GSTZ1: variants seen among roughly 807,000 people sequenced by gnomAD.
GSTZ1 encodes glutathione S-transferase zeta 1.
Under a neutral mutation model 35.9 loss-of-function variants are expected in GSTZ1, and 34 were observed. The observed-to-expected ratio is 0.95, with a 90% confidence interval of 0.72 to 1.26. GSTZ1 has a LOEUF of 1.26. Ranked by LOEUF, GSTZ1 falls within the 50% of genes most tolerant of loss-of-function variation. GSTZ1 has a pLI of 0.00. For synonymous variants in GSTZ1, 93 were observed against 101.2 expected (o/e 0.92, Z 0.49); for missense variants, 263 against 271.7 (o/e 0.97, Z 0.23).
At position 77,331,279 on chromosome 14, in the gene GSTZ1, TGAG is replaced by T; in HGVS notation, c.*88_*90del. 9 of 1,461,966 alleles carry T rather than the reference TGAG, an allele frequency of 6.2e-6. No individual in the cohort carries two copies. Among genetic ancestry groups the T allele is most frequent in the Non-Finnish European group, 8.3e-6 (9 of 1,084,230 alleles). The allele number at this position is 1,461,966 out of a possible 1,614,324, so 90.6% of individuals were successfully genotyped here. On this transcript the variant is annotated 3_prime_UTR_variant, in exon 9 of 9. Transcript: ENST00000216465. ...GAGGCCTGGAAACGAGAGTCTTAATTGAGGAGATGGGAGACTCGAACTCTAGCC... is the reference window on the plus strand; with the variant it reads ...GAGGCCTGGAAACGAGAGTCTTAATTGAGATGGGAGACTCGAACTCTAGCC...
At chr14:77,329,599 C>T in intron 6 of GSTZ1, 156 bp from the exon 7 acceptor site, 1 of 665,276 alleles carries the variant, frequency 1.5e-6, no homozygotes, top group Admixed American at 2.3e-5. Flanking sequence ...TCCCTAACAG[C>T]TCTCTCGAGA....
intron 4 of GSTZ1, 171 bp from the exon 5 acceptor site, chr14:77,327,741 T>G: frequency 1.4e-6 from 1 of 735,162 alleles, no homozygotes. Flanking sequence ...GAGAACCAAG[T>G]TCTGCATGAT....
intron 1 of GSTZ1, chr14:77,322,844 C>A: frequency 3.6e-6 from 1 of 277,300 alleles, no homozygotes; most frequent in Non-Finnish European, 5.5e-6. Flanking sequence ...ACAGGGATGG[C>A]AATAGCAAGT....
intron 6 of GSTZ1, 135 bp downstream of exon 6, chr14:77,329,336 G>C (rs183812061): frequency 1.9e-5 from 13 of 698,670 alleles, no homozygotes; most frequent in African/African-American, 3.5e-5. Context: ...GGGCAGGACT[G>C]GGGAGGCAAT....
Position 77,331,066 on chromosome 14 carries a change from C to T in GSTZ1, c.525-3C>T. 1.2e-6 allele frequency: 2 copies of T among 1,613,474 alleles called. No individual in the cohort carries two copies. Among genetic ancestry groups the T allele is most frequent in the South Asian group, 1.1e-5 (1 of 91,018 alleles). ...TAGCTTAGCAGGTGTTTCTCTACTA[C>T]AGATTCAAGGTGGATCTCACCCCCT... On this transcript the variant is annotated splice_region_variant and splice_polypyrimidine_tract_variant and intron_variant, in intron 8 of 8. Transcript: ENST00000216465.
intron 2 of GSTZ1, chr14:77,326,508 C>T: frequency 3.9e-6 from 1 of 254,282 alleles, no homozygotes; most frequent in Non-Finnish European, 7.8e-6. Context: ...ACAACACAGC[C>T]TTGCTGAACT....
intron 1 of GSTZ1, 24 bp downstream of exon 1, chr14:77,321,207 A>G: frequency 6.7e-7 from 1 of 1,499,038 alleles, no homozygotes. Context: ...ACCCGGGTGG[A>G]GGGAAGCTGG....
chr14:77,324,280 T>A, intron 1 of GSTZ1: 1 of 379,546 alleles, frequency 2.6e-6, no homozygotes, highest in Non-Finnish European at 5.0e-6. Flanking sequence ...GTAGCTGAGA[T>A]TACAGGCACC....
At position 77,330,371 on chromosome 14, in the gene GSTZ1, C is replaced by T; in HGVS notation, c.524+12C>T. ...GCAAATGCTGAAAGGTAAGAGAGAG[C>T]CCCGCCACCCTCCCTTCTCGTGGCT... On this transcript the variant is annotated intron_variant, in intron 8 of 8. Transcript: ENST00000216465. 2 of 1,603,348 alleles carry T rather than the reference C, an allele frequency of 1.2e-6. No homozygotes were observed. Among genetic ancestry groups the T allele is most frequent in the Non-Finnish European group, 8.5e-7 (1 of 1,170,216 alleles).
intron 1 of GSTZ1, chr14:77,321,476 C>T (rs754024163): frequency 1.7e-4 from 257 of 1,488,224 alleles, no homozygotes; most frequent in Non-Finnish European, 2.0e-4. Flanking sequence ...CATAACAGAC[C>T]CCTCCCTCCA....
intron 4 of GSTZ1, 95 bp from the exon 5 acceptor site, chr14:77,327,817 T>C (rs1892407236): frequency 1.6e-6 from 2 of 1,214,658 alleles, no homozygotes; most frequent in Admixed American, 1.8e-5. Flanking sequence ...GTAGTGATGG[T>C]GCTGGAAGAG....
At chr14:77,325,218 A>AC (rs1394534620) in intron 2 of GSTZ1, 2 of 382,548 alleles carry the variant, frequency 5.2e-6, no homozygotes, top group African/African-American at 4.1e-5. Flanking sequence ...CACAAAATCC[A>AC]CATGCCCCTG....
At chr14:77,330,268 G>T (rs376677216) in intron 7 of GSTZ1, 42 bp from the exon 8 acceptor site, 1 of 1,440,052 alleles carries the variant, frequency 6.9e-7, no homozygotes, top group Admixed American at 1.7e-5. Context: ...CACTGACTCT[G>T]GGGTATGCAC....
rs2139586676 is a variant in GSTZ1, at chr14:77,331,291, A to C, written c.*96A>C. ...CGAGAGTCTTAATTGAGGAGATGGGAGACTCGAACTCTAGCCCTGGATCTG... is the reference window on the plus strand; with the variant it reads ...CGAGAGTCTTAATTGAGGAGATGGGCGACTCGAACTCTAGCCCTGGATCTG... On this transcript the variant is annotated 3_prime_UTR_variant, in exon 9 of 9. Coordinates refer to ENST00000216465, the MANE Select transcript of GSTZ1 (RefSeq NM_145870.3). The C allele has an allele frequency of 8.0e-6, 11 of 1,373,608 alleles. No individual in the cohort carries two copies. The South Asian group carries it at 1.5e-4, about 19-fold the overall frequency. The allele number at this position is 1,373,608 out of a possible 1,614,324, so 85.1% of individuals were successfully genotyped here. A position where few individuals can be genotyped will look rare whatever the true frequency, so the allele number is the denominator to read the frequency against.
At position 77,329,818 on chromosome 14, in the gene GSTZ1, C is replaced by T. The variant is rs1290601679; in HGVS notation, c.474+11C>T. Reference sequence around the variant, plus strand: ...TGTGTAGGAGACGAGGTAAGCTGTCCCCAGACCTCCCCAGGCCCAGCCACA... The same window carrying T: ...TGTGTAGGAGACGAGGTAAGCTGTCTCCAGACCTCCCCAGGCCCAGCCACA... On this transcript the variant is annotated intron_variant, in intron 7 of 8. Transcript: ENST00000216465. The T allele has an allele frequency of 1.2e-6, 2 of 1,602,140 alleles. No individual in the cohort carries two copies. The highest frequency in any genetic ancestry group is 1.3e-5 in the African/African-American group (1 of 74,702).
chr14:77,327,539 C>T lies in GSTZ1; in HGVS notation c.203C>T (p.Thr68Ile), dbSNP rs777224823. The change falls in exon 4 of 9, where the codon ACC becomes ATC. Residue 68 changes from threonine to isoleucine, a missense_variant. Transcript: ENST00000216465. Reference sequence around the variant, plus strand: ...CCAACCCTGAAGATTGATGGAATCACCATTCACCAGTCAGTGAGTGCAGGG... The same window carrying T: ...CCAACCCTGAAGATTGATGGAATCATCATTCACCAGTCAGTGAGTGCAGGG... ...QVPTLKIDGI[T>I]IHQSLAIIEY... 2.5e-6 allele frequency: 4 copies of T among 1,604,070 alleles called. No homozygotes were observed. The highest frequency in any genetic ancestry group is 1.3e-5 in the African/African-American group (1 of 74,900).
In GSTZ1 at chr14:77,329,208, C is replaced by G. The variant is rs1464437209; in HGVS notation, c.421+7C>G. 1.3e-6 allele frequency: 2 copies of G among 1,574,146 alleles called. No homozygotes were observed. Among genetic ancestry groups the G allele is most frequent in the South Asian group, 1.1e-5 (1 of 90,286 alleles). On this transcript the variant is annotated splice_region_variant and intron_variant, in intron 6 of 8. Coordinates refer to ENST00000216465, the MANE Select transcript of GSTZ1 (RefSeq NM_145870.3). Reference sequence around the variant, plus strand: ...ATCACTTGTGGCTTTAACGGTGAGTCCTCACCTCTGTGAGCTGCCCCACAG... The same window carrying G: ...ATCACTTGTGGCTTTAACGGTGAGTGCTCACCTCTGTGAGCTGCCCCACAG...
chr14:77,321,036 C>T lies in GSTZ1; in HGVS notation c.-133C>T. The T allele has an allele frequency of 9.8e-7, 1 of 1,025,366 alleles. No homozygotes were observed. Among genetic ancestry groups the T allele is most frequent in the South Asian group, 1.8e-5 (1 of 56,042 alleles). 63.5% of individuals were successfully genotyped at this position (1,025,366 alleles called of 1,614,324 possible). A position where few individuals can be genotyped will look rare whatever the true frequency, so the allele number is the denominator to read the frequency against. ...GCCAGAGGCGACCGGAAGGATCTTT[C>T]TAGTCCAGCCCCTCGCTTTACCCGG... On this transcript the variant is annotated 5_prime_UTR_variant, in exon 1 of 9. Transcript: ENST00000216465.
At chr14:77,322,455 A>T (rs1012525109) in intron 1 of GSTZ1, 1 of 270,052 alleles carries the variant, frequency 3.7e-6, no homozygotes, top group African/African-American at 2.3e-5. Flanking sequence ...CACTCGTAGT[A>T]CAGATCCAAA....
Sources: gnomAD v4.1 joint callset for allele counts on GRCh38, gnomAD v4.1.1 for gene constraint, MANE v1.5 for transcripts, NCBI Gene and HGNC (gene_info 2026-07-23, HGNC 2026-07-21) for gene names.